Variants in SYT16 observed in about 807,000 individuals in gnomAD.
SYT16 encodes synaptotagmin 16.
In SYT16, 42 loss-of-function variants were observed where a neutral mutation model predicts 61.4. The ratio of observed to expected loss-of-function variants is 0.68; its 90% confidence interval spans 0.53 to 0.89. SYT16 has a LOEUF of 0.89. Ranked by LOEUF, SYT16 falls within the 40% of genes least tolerant of loss-of-function variation. The pLI is 0.00. For synonymous variants in SYT16, 314 were observed against 302.3 expected, an observed-to-expected ratio of 1.04 and a Z score of -0.40; for missense variants, 804 against 807.3, an observed-to-expected ratio of 1.00 and a Z score of 0.05.
intron 3 of SYT16, 84 bp downstream of exon 3, chr14:61,996,626 T>C: frequency 1.3e-6 from 2 of 1,484,124 alleles, no homozygotes; most frequent in South Asian, 1.4e-5. Context: ...TTAGTTATCA[T>C]GTGGATTTTA....
intron 2 of SYT16, among the ~76,000 whole-genome samples, chr14:61,994,192 C>A (rs1436668869): frequency 6.6e-6 from 1 of 152,176 alleles, no homozygotes; most frequent in Non-Finnish European, 1.5e-5. Flanking sequence ...GAGAGAAATT[C>A]ACAATCCCCC....
chr14:61,891,272 A>ACACACAC (rs3059979), intron 1 of SYT16, among the ~76,000 whole-genome samples: 1 of 150,482 alleles, frequency 6.6e-6, no homozygotes, highest in African/African-American at 2.5e-5. Flanking sequence ...ACACACACAC[A>ACACACAC]ATTTATCCAT....
chr14:62,085,649 A>AT (rs559649133), intron 7 of SYT16, among the ~76,000 whole-genome samples: 5 of 152,234 alleles, frequency 3.3e-5, no homozygotes, highest in Middle Eastern at 3.4e-3. Context: ...GATCTGTGGA[A>AT]TGGGGGTATC....
intron 3 of SYT16, among the ~76,000 whole-genome samples, chr14:62,020,246 T>A (rs2053858742): frequency 6.6e-6 from 1 of 152,222 alleles, no homozygotes; most frequent in African/African-American, 2.4e-5. Flanking sequence ...TATTTCATTT[T>A]CTTAAAGAAT....
chr14:61,876,167 T>C (rs2047484443), intron 1 of SYT16, among the ~76,000 whole-genome samples: 1 of 152,220 alleles, frequency 6.6e-6, no homozygotes, highest in South Asian at 2.1e-4. Context: ...TGCAGGTTGA[T>C]AATGGAAAAA....
At chr14:61,932,179 G>A (rs2049799838) in intron 1 of SYT16, among the ~76,000 whole-genome samples, 1 of 152,140 alleles carries the variant, frequency 6.6e-6, no homozygotes, top group African/African-American at 2.4e-5. Context: ...CATCCCTCCA[G>A]AGGACTGGTA....
At position 61,994,047 on chromosome 14, in the gene SYT16, A is replaced by G. The variant is rs190849463; in HGVS notation, c.-144-1829A>G. 1.6e-4 allele frequency among the ~76,000 whole-genome samples: 25 copies of G among 152,292 alleles called. No homozygotes were observed. The East Asian group carries it at 3.7e-3, about 22-fold the overall frequency. ...AATTGAGTCTGGGTAAGAAGAGCAT[A>G]TGAAGCGAACTAGGTATGTAGTATG... is the stretch of plus-strand genomic sequence containing the variant. On this transcript the variant is annotated intron_variant, in intron 2 of 7. Transcript: ENST00000683842.
chr14:62,010,598 C>G (rs556723354), intron 3 of SYT16, among the ~76,000 whole-genome samples: 134 of 152,214 alleles, frequency 8.8e-4, no homozygotes, highest in Non-Finnish European at 1.5e-3. Context: ...TTCTGCTATC[C>G]TAGAAATTTC....
intron 2 of SYT16, among the ~76,000 whole-genome samples, chr14:61,972,137 C>G (rs975974196): frequency 6.6e-6 from 1 of 152,170 alleles, no homozygotes; most frequent in African/African-American, 2.4e-5. Context: ...TGTAGAGACA[C>G]CAGCATGGTG....
At chr14:62,068,441 A>G (rs2056157104) in intron 3 of SYT16, among the ~76,000 whole-genome samples, 1 of 152,206 alleles carries the variant, frequency 6.6e-6, no homozygotes, top group Non-Finnish European at 1.5e-5. Context: ...GTAGGGATGC[A>G]TGTCAAAGTA....
In SYT16 at chr14:61,987,213, TAGCCTGTGAG is replaced by T. The variant is rs2052353245; in HGVS notation, c.-144-8660_-144-8651del. On this transcript the variant is annotated intron_variant, in intron 2 of 7. Coordinates refer to ENST00000683842, the MANE Select transcript of SYT16 (RefSeq NM_001367656.1). Reference sequence around the variant, plus strand: ...GAGCCTGAAGGGAGAAGAGCTTTCTTAGCCTGTGAGAGGAGCCTGAGCAACTAAAAGGAGG... The same window carrying T: ...GAGCCTGAAGGGAGAAGAGCTTTCTTAGGAGCCTGAGCAACTAAAAGGAGG... Among the ~76,000 whole-genome samples the T allele has an allele frequency of 3.3e-5, 5 of 152,148 alleles. No individual in the cohort carries two copies. In the South Asian group the frequency reaches 1.0e-3, roughly 32 times the overall value.
At chr14:61,963,435 A>G (rs1358019150) in intron 1 of SYT16, among the ~76,000 whole-genome samples, 1 of 152,180 alleles carries the variant, frequency 6.6e-6, no homozygotes, top group African/African-American at 2.4e-5. Flanking sequence ...TTAGTGGTCT[A>G]TATAGAAAAT....
intron 1 of SYT16, among the ~76,000 whole-genome samples, chr14:61,924,854 A>T (rs1309298279): frequency 6.6e-6 from 1 of 152,206 alleles, no homozygotes; most frequent in Non-Finnish European, 1.5e-5. Context: ...TTTAACCATT[A>T]GTTTATTTCT....
chr14:61,900,225 C>G (rs2048465194), intron 1 of SYT16, among the ~76,000 whole-genome samples: 1 of 147,250 alleles, frequency 6.8e-6, no homozygotes, highest in African/African-American at 2.5e-5. Flanking sequence ...GTGGCGCAAT[C>G]TCGGCTCACT....
chr14:62,102,294 G>A lies in SYT16; in HGVS notation c.*1587G>A, dbSNP rs2057436105. On this transcript the variant is annotated 3_prime_UTR_variant, in exon 8 of 8. Coordinates refer to ENST00000683842, the MANE Select transcript of SYT16 (RefSeq NM_001367656.1). ...GTTATCCTGACAAGACCAGACTAGGGCACAGGATAACTCTACTATGCTTTC... is the reference window on the plus strand; with the variant it reads ...GTTATCCTGACAAGACCAGACTAGGACACAGGATAACTCTACTATGCTTTC... 6.6e-6 allele frequency: 1 copy of A among 152,182 alleles called. No homozygotes were observed. Among genetic ancestry groups the A allele is most frequent in the Admixed American group, 6.5e-5 (1 of 15,276 alleles). The allele number at this position is 152,182 out of a possible 1,614,324, so 9.4% of individuals were successfully genotyped here.
rs1170225514 is a variant in SYT16 at position 62,100,768 on chromosome 14, A to G, written c.*61A>G. The G allele has an allele frequency of 1.3e-6, 2 of 1,527,758 alleles. No individual in the cohort carries two copies. Among genetic ancestry groups the G allele is most frequent in the Non-Finnish European group, 1.8e-6 (2 of 1,131,816 alleles). The allele number at this position is 1,527,758 out of a possible 1,614,324, so 94.6% of individuals were successfully genotyped here. A position where few individuals can be genotyped will look rare whatever the true frequency, so the allele number is the denominator to read the frequency against. ...TGGTTACCTGTGTTGCTGTCTACTG[A>G]CACTAAGTGTCCTGGCAAGGGTTTC... On this transcript the variant is annotated 3_prime_UTR_variant, in exon 8 of 8. Coordinates refer to ENST00000683842, the MANE Select transcript of SYT16 (RefSeq NM_001367656.1).
chr14:62,011,920 C>CATATATATATAT (rs1165099592), intron 3 of SYT16, among the ~76,000 whole-genome samples: 1 of 104,592 alleles, frequency 9.6e-6, no homozygotes, highest in African/African-American at 4.2e-5. Flanking sequence ...TATACACACA[C>CATATATATATAT]ACACACATAT....
In SYT16 at chr14:61,943,236, A is replaced by AT. The variant is rs1400420440; in HGVS notation, c.-324-26894dup. On this transcript the variant is annotated intron_variant, in intron 1 of 7. Coordinates refer to ENST00000683842, the MANE Select transcript of SYT16 (RefSeq NM_001367656.1). ...AACAAGTTCTGAAATTGAGGTAGTA[A>AT]TTAATAGCCTACCAACCAAAAAAAG... 3.9e-5 allele frequency among the ~76,000 whole-genome samples: 6 copies of AT among 152,340 alleles called. No homozygotes were observed. The South Asian group carries it at 8.3e-4, about 21-fold the overall frequency.
At chr14:61,949,381 T>C (rs942017457) in intron 1 of SYT16, among the ~76,000 whole-genome samples, 21 of 152,240 alleles carry the variant, frequency 1.4e-4, no homozygotes, top group Non-Finnish European at 8.8e-5. Context: ...TTAATTAGAA[T>C]GAACCAGTCC....
Sources: gnomAD v4.1 joint callset for allele counts (sites outside exome capture counted in the v4.1 genomes callset) on GRCh38, gnomAD v4.1.1 for gene constraint, MANE v1.5 for transcripts, NCBI Gene and HGNC (gene_info 2026-07-23, HGNC 2026-07-21) for gene names.